The following PIAS2 variants were observed in gnomAD, a reference collection of about 807,000 sequenced individuals.
The protein encoded by PIAS2 is protein inhibitor of activated STAT 2.
PIAS2 carries 19 observed loss-of-function variants against 69.7 expected under a neutral mutation model. The ratio of observed to expected loss-of-function variants is 0.27; its 90% CI spans 0.19 to 0.40. The LOEUF (loss-of-function observed/expected upper bound fraction) is 0.40. PIAS2 is among the 10% of genes least tolerant of loss of function. The pLI is 1.00. For missense variants in PIAS2, 624 were observed against 757.0 expected, an observed-to-expected ratio of 0.82 and a Z score of 2.06; for synonymous variants, 261 against 263.2, an observed-to-expected ratio of 0.99 and a Z score of 0.08.
chr18:46,844,788 A>G lies in PIAS2; in HGVS notation c.913T>C (p.Leu305=), dbSNP rs571621066. 8.8e-5 allele frequency: 131 copies of G among 1,495,100 alleles called. 2 individuals carry two copies. In the South Asian group the frequency reaches 1.7e-3, roughly 19 times the overall value. 92.6% of individuals were successfully genotyped at this position (1,495,100 alleles called of 1,614,324 possible). A position where few individuals can be genotyped will look rare whatever the true frequency, so the allele number is the denominator to read the frequency against. ...LVRQLTSAML[L]QRLKMKGIRN... is the part of the protein sequence containing the mutation. The stretch of plus-strand genomic sequence containing the variant: ...ATACCTTTCATTTTTAATCTCTGTA[A>G]TAACATGGCTGATGTAAGCTGCCGT... Residue 305 remains leucine, a synonymous_variant, in exon 7 of 14, where the codon TTA becomes CTA. Transcript: ENST00000585916.
chr18:46,870,586 A>G (rs1030910510), intron 2 of PIAS2, among the ~76,000 whole-genome samples: 2 of 127,838 alleles, frequency 1.6e-5, no homozygotes, highest in Non-Finnish European at 3.1e-5. Context: ...ACTGCACTCC[A>G]GCCTGGGCAA....
In PIAS2 at chr18:46,807,258, G is replaced by A. The variant is rs1416678983; in HGVS notation, c.*5175C>T. 1 of 147,936 alleles carries A rather than the reference G, an allele frequency of 6.8e-6. No individual in the cohort carries two copies. The highest frequency in any genetic ancestry group is 2.0e-4 in the East Asian group (1 of 5,028). 9.2% of individuals were successfully genotyped at this position (147,936 alleles called of 1,614,324 possible). A position where few individuals can be genotyped will look rare whatever the true frequency, so the allele number is the denominator to read the frequency against. ...TTTTGAACTAAAGATGGAAAACGTA[G>A]TCTGACAAAGAATATTTGTGCAACT... On this transcript the variant is annotated 3_prime_UTR_variant, in exon 14 of 14. Transcript: ENST00000585916.
chr18:46,898,781 G>A (rs2055311308), intron 1 of PIAS2, among the ~76,000 whole-genome samples: 1 of 152,100 alleles, frequency 6.6e-6, no homozygotes, highest in Non-Finnish European at 1.5e-5. Context: ...ATCACCTGAG[G>A]TCAGAAGTTA....
At chr18:46,815,234 T>G in intron 13 of PIAS2, 78 bp downstream of exon 13, 1 of 1,164,106 alleles carries the variant, frequency 8.6e-7, no homozygotes, top group Non-Finnish European at 1.3e-6. Flanking sequence ...CCTGATTTTA[T>G]GCAACTGGTC....
At chr18:46,830,616 C>T (rs2043473560) in intron 9 of PIAS2, among the ~76,000 whole-genome samples, 1 of 151,342 alleles carries the variant, frequency 6.6e-6, no homozygotes, top group Admixed American at 6.6e-5. Flanking sequence ...TAACAAAGAA[C>T]AAAACAAACA....
At chr18:46,842,328 G>A (rs2045540097) in intron 8 of PIAS2, among the ~76,000 whole-genome samples, 1 of 151,302 alleles carries the variant, frequency 6.6e-6, no homozygotes, top group Non-Finnish European at 1.5e-5. Flanking sequence ...AGTATGTTTG[G>A]CCATTGTATT....
intron 1 of PIAS2, among the ~76,000 whole-genome samples, chr18:46,902,355 G>C (rs371914466): frequency 6.6e-6 from 1 of 151,810 alleles, no homozygotes. Context: ...CCGGGAGTTC[G>C]AAACCAGTCT....
At chr18:46,917,522 C>T (rs1333673611), upstream of PIAS2, 4 of 1,161,388 alleles carry the variant, frequency 3.4e-6, no homozygotes, top group South Asian at 8.4e-5. Context: ...GGCGCGGGAG[C>T]TCCGCCTCCG....
At chr18:46,822,268 T>C (rs1030877987) in intron 11 of PIAS2, among the ~76,000 whole-genome samples, 3 of 152,176 alleles carry the variant, frequency 2.0e-5, no homozygotes, top group Admixed American at 6.5e-5. Flanking sequence ...CATTGTTGAG[T>C]TGGCAACTAT....
intron 11 of PIAS2, among the ~76,000 whole-genome samples, chr18:46,821,652 G>A (rs898326418): frequency 6.6e-5 from 10 of 152,160 alleles, no homozygotes; most frequent in African/African-American, 2.4e-4. Context: ...TGAGTGTTCA[G>A]GATTTAAAAT....
chr18:46,871,818 G>A (rs919974708), intron 2 of PIAS2, among the ~76,000 whole-genome samples: 1 of 152,156 alleles, frequency 6.6e-6, no homozygotes, highest in Non-Finnish European at 1.5e-5. Flanking sequence ...TAATCCCTGA[G>A]GCAGGAACTA....
intron 2 of PIAS2, among the ~76,000 whole-genome samples, chr18:46,884,437 C>G (rs534474096): frequency 6.6e-6 from 1 of 151,920 alleles, no homozygotes; most frequent in Non-Finnish European, 1.5e-5. Flanking sequence ...CTCAGCCTCC[C>G]GAGTAGCTGG....
upstream of PIAS2, chr18:46,920,104 TCCTC>T (rs1447311566): frequency 4.7e-6 from 6 of 1,289,376 alleles, no homozygotes; most frequent in Non-Finnish European, 6.1e-6. Flanking sequence ...TTCTGCCCCT[TCCTC>T]AATGTGTAGC....
At chr18:46,917,564 C>G (rs911744927), upstream of PIAS2, 857 of 1,101,560 alleles carry the variant, frequency 7.8e-4, 1 homozygote, top group Non-Finnish European at 8.2e-4. Context: ...AGCGGTGCCC[C>G]CTGCCCACCC....
chr18:46,874,333 C>G (rs566322828), intron 2 of PIAS2, among the ~76,000 whole-genome samples: 10 of 152,226 alleles, frequency 6.6e-5, no homozygotes, highest in African/African-American at 2.2e-4. Flanking sequence ...TCAAGTGCAG[C>G]CACCAGTAAT....
intron 5 of PIAS2, among the ~76,000 whole-genome samples, chr18:46,854,927 T>C (rs2047518826): frequency 6.6e-6 from 1 of 152,094 alleles, no homozygotes; most frequent in African/African-American, 2.4e-5. Context: ...CTGTTTGATA[T>C]GATCCCAAGA....
intron 13 of PIAS2, 25 bp from the exon 14 acceptor site, chr18:46,812,637 A>T: frequency 6.8e-7 from 1 of 1,463,718 alleles, no homozygotes; most frequent in Non-Finnish European, 9.5e-7. Flanking sequence ...CAATGATGCC[A>T]ATGAGGAAGA....
In PIAS2 at chr18:46,844,691, T is replaced by TC. The variant is rs779366837; in HGVS notation, c.967+42_967+43insG. ...TAAAGTATCTCATATGCTCAATCTT[T>TC]TTTTTTTTTTTTAAATGCTTGGTCT... On this transcript the variant is annotated intron_variant, in intron 7 of 13. Transcript: ENST00000585916. The TC allele has an allele frequency of 2.9e-5, 21 of 716,060 alleles. No homozygotes were observed. The African/African-American group carries it at 3.9e-4, about 13-fold the overall frequency. 44.4% of individuals were successfully genotyped at this position (716,060 alleles called of 1,614,324 possible).
intron 1 of PIAS2, among the ~76,000 whole-genome samples, chr18:46,897,228 T>C (rs1391925661): frequency 6.6e-6 from 1 of 152,206 alleles, no homozygotes; most frequent in Non-Finnish European, 1.5e-5. Flanking sequence ...AAAGCGGTTA[T>C]GGCATAAATA....
Sources: allele counts gnomAD v4.1 joint callset (sites outside exome capture counted in the v4.1 genomes callset), GRCh38; gene constraint gnomAD v4.1.1; transcripts MANE v1.5; gene names NCBI Gene and HGNC (gene_info 2026-07-23, HGNC 2026-07-21).